Variants in CPVL observed in about 807,000 individuals in gnomAD.
CPVL encodes the protein probable serine carboxypeptidase CPVL.
CPVL carries 51 observed loss-of-function variants against 63.7 expected under a neutral mutation model. The ratio of observed to expected loss-of-function variants is 0.80; its 90% confidence interval spans 0.64 to 1.01. The LOEUF (loss-of-function observed/expected upper bound fraction) is 1.01, where lower values mean the gene tolerates loss of function less well. Ranked by LOEUF, CPVL falls within the 50% of genes least tolerant of loss-of-function variation. The pLI is 0.00. For missense variants in CPVL, 530 were observed against 573.1 expected (o/e 0.92, Z 0.77); for synonymous variants, 195 against 206.0 (o/e 0.95, Z 0.46).
At chr7:29,043,357 A>C (rs1789310897) in intron 11 of CPVL, among the ~76,000 whole-genome samples, 1 of 152,024 alleles carries the variant, frequency 6.6e-6, no homozygotes, top group African/African-American at 2.4e-5. Context: ...CTATTCATCA[A>C]AGCCACCCCA....
chr7:29,009,588 A>G (rs1467334289), intron 12 of CPVL: 1 of 152,250 alleles, frequency 6.6e-6, no homozygotes, highest in Non-Finnish European at 1.5e-5. Flanking sequence ...GAGCATATCA[A>G]CATGGGTGAA....
chr7:29,018,194 C>T (rs375092418), intron 12 of CPVL, among the ~76,000 whole-genome samples: 3 of 151,928 alleles, frequency 2.0e-5, no homozygotes, highest in East Asian at 3.9e-4. Flanking sequence ...AATGACTCAA[C>T]ATTTTTTCAA....
At chr7:29,171,390 A>G (rs1278063217) in intron 5 of CPVL, among the ~76,000 whole-genome samples, 1 of 152,194 alleles carries the variant, frequency 6.6e-6, no homozygotes, top group African/African-American at 2.4e-5. Flanking sequence ...GTAATGGAAT[A>G]AACAACGGCA....
chr7:29,062,396 A>G (rs984752389), intron 11 of CPVL, among the ~76,000 whole-genome samples: 2 of 152,226 alleles, frequency 1.3e-5, no homozygotes, highest in African/African-American at 4.8e-5. Flanking sequence ...ACATGTCCCC[A>G]AGAAAACCAA....
At chr7:29,145,364 T>C (rs1320618172) in intron 1 of CPVL, among the ~76,000 whole-genome samples, 1 of 151,978 alleles carries the variant, frequency 6.6e-6, no homozygotes, top group Admixed American at 6.6e-5. Context: ...ACTGAGGCTG[T>C]GGAAGATAAG....
At chr7:29,055,381 C>T (rs1246151435) in intron 11 of CPVL, among the ~76,000 whole-genome samples, 1 of 152,132 alleles carries the variant, frequency 6.6e-6, no homozygotes, top group Non-Finnish European at 1.5e-5. Flanking sequence ...TCCCAAGTAG[C>T]TGGGATTACA....
chr7:29,179,971 T>C (rs1030663578), intron 5 of CPVL, among the ~76,000 whole-genome samples: 1 of 152,226 alleles, frequency 6.6e-6, no homozygotes, highest in Non-Finnish European at 1.5e-5. Flanking sequence ...TTGCTATTTG[T>C]CTTGTATTTT....
chr7:28,995,834 T>G lies in CPVL; in HGVS notation c.1369A>C (p.Arg457=), dbSNP rs1210488120. ...GHILPYDQPL[R]AFDMINRFIY... ...AATCGATTAATCATGTCAAAAGCTC[T>G]CAGAGGCTGGTCATAGGGTAAAATA... is the stretch of plus-strand genomic sequence containing the variant. The change falls in exon 13 of 13, where the codon AGA becomes CGA. Residue 457 remains arginine, a synonymous_variant. Transcript: ENST00000265394. 2.5e-6 allele frequency: 4 copies of G among 1,607,612 alleles called. No individual in the cohort carries two copies. The East Asian group carries it at 9.0e-5, about 36-fold the overall frequency.
At chr7:29,049,414 G>C (rs1052116714) in intron 11 of CPVL, among the ~76,000 whole-genome samples, 2 of 152,000 alleles carry the variant, frequency 1.3e-5, no homozygotes, top group African/African-American at 2.4e-5. Flanking sequence ...AGAAAACCTA[G>C]AAGAGATGGA....
intron 3 of CPVL, among the ~76,000 whole-genome samples, chr7:29,097,944 C>A (rs546479176): frequency 1.2e-4 from 18 of 152,250 alleles, no homozygotes. Context: ...GAGGAAGGCA[C>A]AGTCGCCAGG....
intron 11 of CPVL, among the ~76,000 whole-genome samples, chr7:29,037,391 C>CAA (rs781394806): frequency 1.4e-5 from 2 of 141,336 alleles, no homozygotes. Flanking sequence ...AAAATAAATA[C>CAA]AAAAAAAAAA....
chr7:29,194,980 G>T (rs760123762), intron 1 of CPVL: 3 of 1,586,078 alleles, frequency 1.9e-6, no homozygotes, highest in East Asian at 4.8e-5. Flanking sequence ...CCGGCTCGTC[G>T]GTGTCCTCCG....
At chr7:29,068,634 C>A (rs1783378060) in intron 9 of CPVL, among the ~76,000 whole-genome samples, 1 of 151,786 alleles carries the variant, frequency 6.6e-6, no homozygotes, top group African/African-American at 2.4e-5. Context: ...TCTGCCTGCC[C>A]CGTCCTGAAC....
intron 3 of CPVL, chr7:29,185,428 G>A (rs914606387): frequency 6.6e-6 from 1 of 152,056 alleles, no homozygotes; most frequent in African/African-American, 2.4e-5. Context: ...GTGGTTACAC[G>A]CTCTTGATAA....
Position 29,091,149 on chromosome 7 carries a change from T to C in CPVL, c.542+1474A>G. Among the ~76,000 whole-genome samples the C allele has an allele frequency of 1.3e-5, 2 of 152,192 alleles. 1 individual carries two copies. ...AACTACAACAGCTATAAACAATAGATGCTTTGAAATAGGTTCCCTTTACAT... is the reference window on the plus strand; with the variant it reads ...AACTACAACAGCTATAAACAATAGACGCTTTGAAATAGGTTCCCTTTACAT... On this transcript the variant is annotated intron_variant, in intron 6 of 12. Transcript: ENST00000265394.
At chr7:29,031,622 A>C (rs1050305977) in intron 11 of CPVL, among the ~76,000 whole-genome samples, 1 of 152,214 alleles carries the variant, frequency 6.6e-6, no homozygotes, top group Non-Finnish European at 1.5e-5. Context: ...TCCTTGTCCC[A>C]GTAATTTCAA....
intron 12 of CPVL, among the ~76,000 whole-genome samples, chr7:29,021,575 G>C (rs1786982090): frequency 6.6e-6 from 1 of 152,054 alleles, no homozygotes; most frequent in Non-Finnish European, 1.5e-5. Flanking sequence ...TGGGTAAAAG[G>C]TAAATGAGAG....
rs747458025 is a variant in CPVL, at chr7:29,007,448, G to GA, written c.1321-11567dup. ...AAGCTGTGTGGTTTTTAAGAGAAGG[G>GA]AAAAAAACAAAAACCAGGAATTCAA... On this transcript the variant is annotated intron_variant, in intron 12 of 12. Transcript: ENST00000265394. Among the ~76,000 whole-genome samples the GA allele has an allele frequency of 6.6e-5, 10 of 151,922 alleles. No homozygotes were observed. In the East Asian group the frequency reaches 1.9e-3, roughly 29 times the overall value.
At chr7:29,100,254 A>T (rs137867010) in intron 3 of CPVL, among the ~76,000 whole-genome samples, 1 of 152,202 alleles carries the variant, frequency 6.6e-6, no homozygotes, top group African/African-American at 2.4e-5. Context: ...GTGAACTCCC[A>T]GAAGCTGCAA....
Sources: gnomAD v4.1 joint callset for allele counts (sites outside exome capture counted in the v4.1 genomes callset) on GRCh38, gnomAD v4.1.1 for gene constraint, MANE v1.5 for transcripts, NCBI Gene and HGNC (gene_info 2026-07-23, HGNC 2026-07-21) for gene names.